ADRA1B: variants seen among roughly 807,000 people sequenced by gnomAD.
ADRA1B encodes the protein adrenoceptor alpha 1B.
A neutral mutation model predicts 17.9 loss-of-function variants in ADRA1B; 17 were observed. The ratio of observed to expected loss-of-function variants is 0.95; its 90% confidence interval spans 0.65 to 1.42. The LOEUF (loss-of-function observed/expected upper bound fraction) is 1.42. ADRA1B is among the 40% of genes most tolerant of loss of function. The pLI is 0.00. For synonymous variants in ADRA1B, 366 were observed against 327.6 expected, an observed-to-expected ratio of 1.12 and a Z score of -1.27; for missense variants, 681 against 722.1, an observed-to-expected ratio of 0.94 and a Z score of 0.65.
chr5:159,951,111 A>G lies in ADRA1B; in HGVS notation c.950-20768A>G, dbSNP rs191593867. ...TTCTTGTGGTTCATGCCCATCACGA[A>G]CATGGGGGCATCAGCAGAGGGGGCA... is the stretch of plus-strand genomic sequence containing the variant. On this transcript the variant is annotated intron_variant, in intron 1 of 1. Transcript: ENST00000306675. 5.0e-4 allele frequency: 372 copies of G among 743,248 alleles called. 2 individuals are homozygous for G. Among genetic ancestry groups the G allele is most frequent in the Middle Eastern group, 7.5e-4 (2 of 2,678 alleles). The allele number at this position is 743,248 out of a possible 1,614,324, so 46.0% of individuals were successfully genotyped here. A position where few individuals can be genotyped will look rare whatever the true frequency, so the allele number is the denominator to read the frequency against.
chr5:159,955,266 G>A, intron 1 of ADRA1B: 1 of 906,608 alleles, frequency 1.1e-6, no homozygotes, highest in Non-Finnish European at 1.3e-6. Flanking sequence ...TCCTCAGGGA[G>A]GAATGTGTGC....
At chr5:159,882,313 T>C (rs370683874) in intron 1 of ADRA1B, among the ~76,000 whole-genome samples, 5 of 152,288 alleles carry the variant, frequency 3.3e-5, no homozygotes, top group East Asian at 3.9e-4. Context: ...CAGGAAAGTG[T>C]ACAGGAATCC....
chr5:159,931,433 C>G (rs888820535), intron 1 of ADRA1B, among the ~76,000 whole-genome samples: 1 of 151,466 alleles, frequency 6.6e-6, no homozygotes, highest in African/African-American at 2.4e-5. Flanking sequence ...TCAGCCCTTT[C>G]CTCTGCTGGT....
chr5:159,970,115 G>C (rs1372695025), intron 1 of ADRA1B, among the ~76,000 whole-genome samples: 1 of 152,136 alleles, frequency 6.6e-6, no homozygotes, highest in Non-Finnish European at 1.5e-5. Context: ...CTCACATTCA[G>C]AGGGGTGAGT....
chr5:159,921,881 C>T (rs1044887605), intron 1 of ADRA1B, among the ~76,000 whole-genome samples: 2 of 152,222 alleles, frequency 1.3e-5, no homozygotes, highest in Non-Finnish European at 2.9e-5. Flanking sequence ...CCCCGACAAA[C>T]ACACATTAAT....
chr5:159,892,816 A>G (rs905398183), intron 1 of ADRA1B, among the ~76,000 whole-genome samples: 1 of 152,208 alleles, frequency 6.6e-6, no homozygotes, highest in South Asian at 2.1e-4. Flanking sequence ...TATGTTTATA[A>G]TAGAATGATT....
rs551110190 is a variant in ADRA1B, at chr5:159,907,911, T to A, written c.-255-8208T>A. 1.1e-4 allele frequency among the ~76,000 whole-genome samples: 17 copies of A among 151,884 alleles called. 1 individual carries two copies. The highest frequency in any genetic ancestry group is 2.1e-4 in the Non-Finnish European group (14 of 68,018). ...ACTGGCGTTTCTCATGCTGTCTTTG[T>A]CTTTGGCATCTATAGCTGTTTGTTC... On this transcript the variant is annotated intron_variant, in intron 1 of 2. Transcript: ENST00000641205.
intron 1 of ADRA1B, among the ~76,000 whole-genome samples, chr5:159,892,523 C>T (rs1385348295): frequency 6.6e-6 from 1 of 152,080 alleles, no homozygotes; most frequent in Non-Finnish European, 1.5e-5. Flanking sequence ...TGTGTTGTTA[C>T]CCACCACGTG....
At chr5:159,957,390 A>G (rs1755574132) in intron 1 of ADRA1B, among the ~76,000 whole-genome samples, 1 of 151,738 alleles carries the variant, frequency 6.6e-6, no homozygotes, top group African/African-American at 2.4e-5. Context: ...CCTTTAGTTC[A>G]GCAACTCTGT....
At position 159,917,735 on chromosome 5, in the gene ADRA1B, G is replaced by T. The variant is rs753003514; in HGVS notation, c.830G>T (p.Ser277Ile). 4 of 1,614,014 alleles carry T rather than the reference G, an allele frequency of 2.5e-6. No individual in the cohort carries two copies. The highest frequency in any genetic ancestry group is 3.4e-6 in the Non-Finnish European group (4 of 1,180,038). The part of the protein sequence containing the change: ...STKAKGHNPR[S>I]SIAVKLFKFS... ...AAGGCCAAGGGCCACAACCCCAGGA[G>T]TTCCATAGCTGTCAAACTTTTTAAG... The change falls in exon 1 of 2, where the codon AGT becomes ATT. Residue 277 changes from serine to isoleucine, a missense_variant. Coordinates refer to ENST00000306675, the MANE Select transcript of ADRA1B (RefSeq NM_000679.4).
rs1206944978 is a variant in ADRA1B at position 159,962,935 on chromosome 5, C to CTTT, written c.950-8929_950-8927dup. On this transcript the variant is annotated intron_variant, in intron 1 of 1. Coordinates refer to ENST00000306675, the MANE Select transcript of ADRA1B (RefSeq NM_000679.4). Reference sequence around the variant, plus strand: ...TCTTTCTTTCTTTTTCTTTTCTTTTCTTTTTTTTTTTTTTTTTGAAACAAC... The same window carrying CTTT: ...TCTTTCTTTCTTTTTCTTTTCTTTTCTTTTTTTTTTTTTTTTTTTTGAAACAAC... 3.9e-3 allele frequency among the ~76,000 whole-genome samples: 165 copies of CTTT among 41,788 alleles called. 9 individuals carry two copies. The East Asian group carries it at 0.079, about 20-fold the overall frequency. 27.4% of individuals were successfully genotyped at this position (41,788 alleles called of 152,430 possible).
chr5:159,959,109 A>C (rs1368630991), intron 1 of ADRA1B, among the ~76,000 whole-genome samples: 1 of 152,214 alleles, frequency 6.6e-6, no homozygotes. Flanking sequence ...AGGAGCTTTT[A>C]CAGTTCCCAA....
At chr5:159,901,446 A>C (rs910569607) in intron 1 of ADRA1B, among the ~76,000 whole-genome samples, 1 of 10,942 alleles carries the variant, frequency 9.1e-5, no homozygotes, top group Admixed American at 1.2e-3. Flanking sequence ...GGGGAGGGGG[A>C]GGGGAGGGGG....
chr5:159,914,562 C>T (rs758199419), upstream of ADRA1B, among the ~76,000 whole-genome samples: 1 of 152,194 alleles, frequency 6.6e-6, no homozygotes, highest in African/African-American at 2.4e-5. Flanking sequence ...AGGACTGTCT[C>T]TACCACAGAT....
chr5:159,911,198 G>A (rs1210305320), intron 1 of ADRA1B, among the ~76,000 whole-genome samples: 3 of 152,214 alleles, frequency 2.0e-5, no homozygotes, highest in East Asian at 3.9e-4. Context: ...CAAAGTGATA[G>A]TGGCAAGCCC....
intron 1 of ADRA1B, among the ~76,000 whole-genome samples, chr5:159,876,379 A>G (rs901865957): frequency 3.3e-5 from 5 of 152,202 alleles, no homozygotes; most frequent in Non-Finnish European, 5.9e-5. Context: ...GCAAAAGAAG[A>G]AAGAGAGAGA....
chr5:159,866,295 G>GAAAAA (rs34220518), intron 1 of ADRA1B, among the ~76,000 whole-genome samples: 2 of 90,248 alleles, frequency 2.2e-5, no homozygotes, highest in Non-Finnish European at 4.4e-5. Flanking sequence ...AACATAGTGA[G>GAAAAA]AAAAAAAAAA....
At chr5:159,873,125 A>T (rs1338846044) in intron 1 of ADRA1B, among the ~76,000 whole-genome samples, 3 of 152,166 alleles carry the variant, frequency 2.0e-5, no homozygotes, top group Non-Finnish European at 2.9e-5. Context: ...TTATGGCTGC[A>T]TAGTATTCCA....
chr5:159,879,665 A>G (rs985588740), intron 1 of ADRA1B, among the ~76,000 whole-genome samples: 2 of 152,118 alleles, frequency 1.3e-5, no homozygotes, highest in African/African-American at 4.8e-5. Flanking sequence ...GTGTGGGTAC[A>G]TGTGTGTTTA....
Sources: allele counts gnomAD v4.1 joint callset (sites outside exome capture counted in the v4.1 genomes callset), GRCh38; gene constraint gnomAD v4.1.1; transcripts MANE v1.5; gene names NCBI Gene and HGNC (gene_info 2026-07-23, HGNC 2026-07-21).